Variants in ADAMTS2 observed in about 807,000 individuals in gnomAD.
The protein encoded by ADAMTS2 is ADAM metallopeptidase with thrombospondin type 1 motif 2.
A neutral mutation model predicts 123.0 loss-of-function variants in ADAMTS2; 50 were observed. That is an observed-to-expected ratio of 0.41 (90% CI 0.32 to 0.51). The LOEUF (loss-of-function observed/expected upper bound fraction) is 0.51. Ranked by LOEUF, ADAMTS2 falls within the 20% of genes least tolerant of loss-of-function variation. The probability of loss-of-function intolerance (pLI) is 0.35; values close to 1 mark genes in which losing one functional copy is unlikely to be tolerated. For synonymous variants in ADAMTS2, 678 were observed against 695.4 expected (o/e 0.98, Z 0.39); for missense variants, 1,494 against 1,705.2 (o/e 0.88, Z 2.18).
intron 2 of ADAMTS2, among the ~76,000 whole-genome samples, chr5:179,288,427 T>C (rs1262529129): frequency 2.0e-5 from 3 of 152,192 alleles, no homozygotes; most frequent in Non-Finnish European, 2.9e-5. Flanking sequence ...GGTTTATTTA[T>C]GGGAAGAGCC....
chr5:179,173,487 G>A (rs1003327828), intron 5 of ADAMTS2, among the ~76,000 whole-genome samples: 3 of 152,072 alleles, frequency 2.0e-5, no homozygotes, highest in East Asian at 1.9e-4. Flanking sequence ...AACATGTTTC[G>A]AAAATGCAAT....
intron 4 of ADAMTS2, among the ~76,000 whole-genome samples, chr5:179,190,523 AAG>A (rs1485545087): frequency 6.6e-6 from 1 of 152,208 alleles, no homozygotes; most frequent in Non-Finnish European, 1.5e-5. Flanking sequence ...GAGAGTGCCC[AAG>A]GGGGTTCAGC....
chr5:179,190,571 T>C (rs11954039), intron 4 of ADAMTS2, among the ~76,000 whole-genome samples: 2,830 of 152,322 alleles, frequency 0.019, 87 homozygotes, highest in African/African-American at 0.064. Context: ...TTTTGGGCTC[T>C]ATCCTTGAGT....
At chr5:179,174,593 T>C (rs538214495) in intron 5 of ADAMTS2, among the ~76,000 whole-genome samples, 1 of 152,378 alleles carries the variant, frequency 6.6e-6, no homozygotes, top group Non-Finnish European at 1.5e-5. Context: ...TATAACACAA[T>C]AAGCATTCTG....
intron 3 of ADAMTS2, among the ~76,000 whole-genome samples, chr5:179,240,777 A>G (rs468723): frequency 0.52 from 78,481 of 152,022 alleles, 21,237 homozygotes; most frequent in Non-Finnish European, 0.56. Context: ...ATGCCTTGCC[A>G]CCCTCGACCC....
chr5:179,117,558 T>C lies in ADAMTS2; in HGVS notation c.3179-3234A>G, dbSNP rs1429788013. 8.2e-3 allele frequency among the ~76,000 whole-genome samples: 1,243 copies of C among 151,914 alleles called. 12 individuals are homozygous for C. Among genetic ancestry groups the C allele is most frequent in the African/African-American group, 0.029 (1,186 of 41,456 alleles). ...GATCAGGCCCATGCCCATGCATTTT[T>C]TTTTTTTTTTTTGAGATGAAGTCTT... On this transcript the variant is annotated intron_variant, in intron 21 of 21. Coordinates refer to ENST00000251582, the MANE Select transcript of ADAMTS2 (RefSeq NM_014244.5). This position sits in a 1 kb window ranked among gnomAD's most constrained non-coding sequence, Gnocchi z 4.2.
chr5:179,132,711 A>G lies in ADAMTS2; in HGVS notation c.2209+66T>C. ...CAGCCCCAGGATGAGTCAGGCCCTC[A>G]GCTGTCCGGGCATGAGCCTGCTGCA... On this transcript the variant is annotated intron_variant, in intron 14 of 21. Transcript: ENST00000251582. The surrounding 1 kb of genome is among the most constrained non-coding windows in gnomAD (Gnocchi z 6.1). 1.9e-6 allele frequency: 3 copies of G among 1,609,656 alleles called. No homozygotes were observed. Among genetic ancestry groups the G allele is most frequent in the African/African-American group, 2.7e-5 (2 of 74,794 alleles).
intron 8 of ADAMTS2, 105 bp downstream of exon 8, chr5:179,153,944 C>A: frequency 6.8e-7 from 1 of 1,459,866 alleles, no homozygotes; most frequent in Non-Finnish European, 9.2e-7. Context: ...GCTTAGAGGA[C>A]CTGAGGTCGG....
In ADAMTS2 at chr5:179,112,318, G is replaced by A. The variant is rs1762581428; in HGVS notation, c.*1549C>T. ...GTGTCAGGCTGAGCCCATCTAAGGA[G>A]CTGACGTGCCCCTGGGTCTTGTAAG... On this transcript the variant is annotated 3_prime_UTR_variant, in exon 22 of 22. Coordinates refer to ENST00000251582, the MANE Select transcript of ADAMTS2 (RefSeq NM_014244.5). The A allele has an allele frequency of 6.6e-6, 1 of 152,154 alleles. No individual in the cohort carries two copies. Among genetic ancestry groups the A allele is most frequent in the Non-Finnish European group, 1.5e-5 (1 of 68,048 alleles). The allele number at this position is 152,154 out of a possible 1,614,324, so 9.4% of individuals were successfully genotyped here. A position where few individuals can be genotyped will look rare whatever the true frequency, so the allele number is the denominator to read the frequency against.
chr5:179,314,208 C>T lies in ADAMTS2; in HGVS notation c.534+29559G>A, dbSNP rs987077568. On this transcript the variant is annotated intron_variant, in intron 2 of 21. Coordinates refer to ENST00000251582, the MANE Select transcript of ADAMTS2 (RefSeq NM_014244.5). This position sits in a 1 kb window ranked among gnomAD's most constrained non-coding sequence, Gnocchi z 4.5. ...AGGGCCAGGACTGGCATTTCCCGGG[C>T]TCCTGGTCCCATCCTGCCCCTCCCA... is the stretch of plus-strand genomic sequence containing the variant. 1.3e-5 allele frequency among the ~76,000 whole-genome samples: 2 copies of T among 152,276 alleles called. No homozygotes were observed. Among genetic ancestry groups the T allele is most frequent in the Non-Finnish European group, 2.9e-5 (2 of 68,046 alleles).
rs1327440641 is a variant in ADAMTS2, at chr5:179,132,910, G to A, written c.2086-10C>T. The A allele has an allele frequency of 3.1e-6, 5 of 1,613,134 alleles. No individual in the cohort carries two copies. Among genetic ancestry groups the A allele is most frequent in the South Asian group, 1.1e-5 (1 of 90,918 alleles). ...CGTCACAGCCCACCTTCTGTTGGGG[G>A]AGGAGGCAGTGAGCACTTGAGACGT... On this transcript the variant is annotated splice_polypyrimidine_tract_variant and intron_variant, in intron 13 of 21. Coordinates refer to ENST00000251582, the MANE Select transcript of ADAMTS2 (RefSeq NM_014244.5). This position sits in a 1 kb window ranked among gnomAD's most constrained non-coding sequence, Gnocchi z 6.1.
chr5:179,261,339 C>T (rs1381560514), intron 3 of ADAMTS2, among the ~76,000 whole-genome samples: 2 of 152,328 alleles, frequency 1.3e-5, no homozygotes, highest in African/African-American at 4.8e-5. Flanking sequence ...CTAAAGCCCC[C>T]GTGCTGGTGA....
intron 10 of ADAMTS2, among the ~76,000 whole-genome samples, chr5:179,142,450 C>T (rs1268511019): frequency 6.6e-6 from 1 of 152,158 alleles, no homozygotes; most frequent in East Asian, 1.9e-4. Context: ...AACACCCTGC[C>T]CCTGTGAAAG....
intron 4 of ADAMTS2, among the ~76,000 whole-genome samples, chr5:179,187,518 G>C (rs1764198960): frequency 6.6e-6 from 1 of 152,230 alleles, no homozygotes; most frequent in African/African-American, 2.4e-5. Context: ...GGAATAACAG[G>C]AAATGGGCAA....
chr5:179,315,602 C>T (rs923578474), intron 2 of ADAMTS2, among the ~76,000 whole-genome samples: 19 of 152,200 alleles, frequency 1.2e-4, no homozygotes, highest in Non-Finnish European at 2.4e-4. Flanking sequence ...ATCTGAGTGG[C>T]GCAGGTACTA....
chr5:179,247,905 C>G (rs1156580744), intron 3 of ADAMTS2, among the ~76,000 whole-genome samples: 1 of 152,132 alleles, frequency 6.6e-6, no homozygotes, highest in East Asian at 1.9e-4. Flanking sequence ...AATAAAAGGA[C>G]AGAAGACAGT....
chr5:179,126,486 C>T (rs1031168882), intron 17 of ADAMTS2, among the ~76,000 whole-genome samples: 36 of 152,240 alleles, frequency 2.4e-4, no homozygotes, highest in African/African-American at 8.7e-4. Flanking sequence ...AAGCACTGGG[C>T]CCGCAGCCCG....
intron 3 of ADAMTS2, among the ~76,000 whole-genome samples, chr5:179,247,719 G>C (rs772540562): frequency 3.3e-5 from 5 of 152,042 alleles, no homozygotes; most frequent in Non-Finnish European, 5.9e-5. Context: ...AAACCAACGG[G>C]ATGACATATT....
chr5:179,219,368 G>A (rs960782628), intron 3 of ADAMTS2, among the ~76,000 whole-genome samples: 3 of 152,198 alleles, frequency 2.0e-5, no homozygotes, highest in African/African-American at 7.2e-5. Context: ...AACCACGAGA[G>A]TCCTGTGTGC....
Sources: gnomAD v4.1 joint callset for allele counts (sites outside exome capture counted in the v4.1 genomes callset) on GRCh38, gnomAD v4.1.1 for gene constraint, Gnocchi (gnomAD v3.1) non-coding constraint, MANE v1.5 for transcripts, NCBI Gene and HGNC (gene_info 2026-07-23, HGNC 2026-07-21) for gene names.